Variants in HUNK observed in about 807,000 individuals in gnomAD.
HUNK encodes hormonally up-regulated neu tumor-associated kinase.
A neutral mutation model predicts 61.0 loss-of-function variants in HUNK; 21 were observed. The ratio of observed to expected loss-of-function variants is 0.34; its 90% CI spans 0.24 to 0.50. The LOEUF (loss-of-function observed/expected upper bound fraction) is 0.50, where lower values mean the gene tolerates loss of function less well. HUNK is among the 20% of genes least tolerant of loss of function. The pLI is 0.98. For synonymous variants in HUNK, 371 were observed against 386.1 expected, an observed-to-expected ratio of 0.96 and a Z score of 0.46; for missense variants, 772 against 945.7, an observed-to-expected ratio of 0.82 and a Z score of 2.41.
intron 1 of HUNK, among the ~76,000 whole-genome samples, chr21:31,899,702 C>T (rs1299962886): frequency 6.6e-6 from 1 of 152,164 alleles, no homozygotes; most frequent in African/African-American, 2.4e-5. Context: ...TACTCCTGCT[C>T]AGCACCATCT....
rs916366361 is a variant in HUNK, at chr21:32,003,082, A to G, written c.*3898A>G. 8 of 152,300 alleles carry G rather than the reference A, an allele frequency of 5.3e-5. No homozygotes were observed. Among genetic ancestry groups the G allele is most frequent in the African/African-American group, 1.9e-4 (8 of 41,474 alleles). 9.4% of individuals were successfully genotyped at this position (152,300 alleles called of 1,614,324 possible). ...GCTGGCATTTGAGCTGGTCTGGAGCAGAGTTTCTCCCTCAAAGAACACAGA... is the reference window on the plus strand; with the variant it reads ...GCTGGCATTTGAGCTGGTCTGGAGCGGAGTTTCTCCCTCAAAGAACACAGA... On this transcript the variant is annotated 3_prime_UTR_variant, in exon 11 of 11. Coordinates refer to ENST00000270112, the MANE Select transcript of HUNK (RefSeq NM_014586.2).
chr21:31,883,329 G>A (rs1258322458), intron 1 of HUNK, among the ~76,000 whole-genome samples: 1 of 152,036 alleles, frequency 6.6e-6, no homozygotes, highest in African/African-American at 2.4e-5. Flanking sequence ...TGCCAATCGA[G>A]TGTATTAAAC....
At chr21:31,892,928 C>T (rs1347840150) in intron 1 of HUNK, among the ~76,000 whole-genome samples, 2 of 151,678 alleles carry the variant, frequency 1.3e-5, no homozygotes, top group Non-Finnish European at 2.9e-5. Flanking sequence ...TCCTGCCATT[C>T]ACCCTGCCCC....
rs530716386 is a variant in HUNK, at chr21:31,969,654, C to T, written c.1010+1269C>T. On this transcript the variant is annotated intron_variant, in intron 6 of 10. Transcript: ENST00000270112. ...TGGTCATGGCTCGCTACAGCCTCCA[C>T]CTCCTGAGCTCAAGGGAGTCTCCCA... Among the ~76,000 whole-genome samples, 3 of 152,022 alleles carry T rather than the reference C, an allele frequency of 2.0e-5. No individual in the cohort carries two copies. In the South Asian group the frequency reaches 6.2e-4, roughly 32 times the overall value.
intron 1 of HUNK, among the ~76,000 whole-genome samples, chr21:31,912,747 G>A (rs2052555462): frequency 1.3e-5 from 2 of 152,122 alleles, no homozygotes. Context: ...GTTTCACTGT[G>A]TGGCCCAGAC....
At chr21:31,955,322 T>TG (rs34548973) in intron 4 of HUNK, among the ~76,000 whole-genome samples, 149,219 of 149,220 alleles carry the variant, frequency 1, 74,609 homozygotes, top group Non-Finnish European at 1. Context: ...CCGGGCGCGG[T>TG]GCTCACGCCT....
intron 4 of HUNK, among the ~76,000 whole-genome samples, chr21:31,958,191 C>T (rs1160562170): frequency 6.6e-6 from 1 of 151,942 alleles, no homozygotes; most frequent in South Asian, 2.1e-4. Flanking sequence ...GCCATGGTTC[C>T]CCTCCTCAGG....
chr21:31,974,441 C>A, intron 6 of HUNK, 114 bp from the exon 7 acceptor site: 2 of 996,022 alleles, frequency 2.0e-6, no homozygotes, highest in Non-Finnish European at 2.9e-6. Context: ...AAAATAAAAA[C>A]TCAAGTCAGT....
At chr21:31,975,254 C>T (rs937925136) in intron 7 of HUNK, among the ~76,000 whole-genome samples, 2 of 152,166 alleles carry the variant, frequency 1.3e-5, no homozygotes, top group Non-Finnish European at 2.9e-5. Context: ...GTGTCACCCG[C>T]GAGGTACCTT....
rs1304676702 is a variant in HUNK at position 31,958,946 on chromosome 21, C to G, written c.850C>G (p.Pro284Ala). ...GAAGATGGTAGACAAAGAAATGAACCCCCTCCCCACTCAGCTCTCCACAGG... is the reference window on the plus strand; with the variant it reads ...GAAGATGGTAGACAAAGAAATGAACGCCCTCCCCACTCAGCTCTCCACAGG... ...YQKMVDKEMN[P>A]LPTQLSTGAI... Residue 284 changes from proline (P) to alanine (A), a missense_variant, in exon 5 of 11, where the codon CCC (proline) becomes GCC (alanine). By Grantham distance (27) the Pro-to-Ala change is conservative. Around this residue, in one of 2 missense-constraint regions of HUNK, gnomAD observed 359 missense variants for 501.3 expected, o/e 0.72. Coordinates refer to ENST00000270112, the MANE Select transcript of HUNK (RefSeq NM_014586.2). The G allele has an allele frequency of 6.2e-7, 1 of 1,608,474 alleles. No individual in the cohort carries two copies. The highest frequency in any genetic ancestry group is 8.5e-7 in the Non-Finnish European group (1 of 1,178,018).
chr21:31,938,245 G>C (rs762848049), intron 2 of HUNK, among the ~76,000 whole-genome samples: 14 of 152,156 alleles, frequency 9.2e-5, no homozygotes, highest in Admixed American at 2.0e-4. Context: ...TTCCCCACCA[G>C]CCTGTTGGGT....
intron 1 of HUNK, among the ~76,000 whole-genome samples, chr21:31,895,229 C>T (rs905202742): frequency 7.2e-5 from 11 of 152,142 alleles, no homozygotes; most frequent in African/African-American, 1.9e-4. Flanking sequence ...ATGCCCTTCA[C>T]GAGACCTGTG....
chr21:31,893,421 A>C (rs1162823894), intron 1 of HUNK, among the ~76,000 whole-genome samples: 6 of 152,200 alleles, frequency 3.9e-5, no homozygotes, highest in African/African-American at 1.2e-4. Context: ...CTTTGTTTGC[A>C]GTTTCTCAGG....
chr21:31,995,971 C>A, intron 10 of HUNK, 23 bp downstream of exon 10: 1 of 1,584,964 alleles, frequency 6.3e-7, no homozygotes, highest in Non-Finnish European at 8.6e-7. Flanking sequence ...TGGGGACTCT[C>A]TCAGGCCACT....
At chr21:31,964,498 G>A (rs1445981011) in intron 5 of HUNK, among the ~76,000 whole-genome samples, 4 of 152,330 alleles carry the variant, frequency 2.6e-5, no homozygotes, top group East Asian at 1.9e-4. Flanking sequence ...TGTGTGTTAC[G>A]TTGAGCAGGG....
intron 6 of HUNK, among the ~76,000 whole-genome samples, chr21:31,972,079 GC>G (rs1330597022): frequency 1.1e-4 from 17 of 152,068 alleles, no homozygotes; most frequent in Non-Finnish European, 2.4e-4. Context: ...CACTCTCTGT[GC>G]CTCAGTCTCC....
intron 5 of HUNK, among the ~76,000 whole-genome samples, chr21:31,967,830 T>C (rs111749719): frequency 2.6e-5 from 4 of 152,292 alleles, no homozygotes; most frequent in African/African-American, 9.6e-5. Context: ...TTTTCTTTCA[T>C]TCCTACAAGC....
chr21:31,956,766 A>G (rs1243358240), intron 4 of HUNK, among the ~76,000 whole-genome samples: 1 of 152,090 alleles, frequency 6.6e-6, no homozygotes, highest in Non-Finnish European at 1.5e-5. Context: ...TTCCTGCCAT[A>G]GTTTCCTACT....
At chr21:31,895,851 C>T (rs1221373458) in intron 1 of HUNK, among the ~76,000 whole-genome samples, 1 of 152,178 alleles carries the variant, frequency 6.6e-6, no homozygotes, top group Non-Finnish European at 1.5e-5. Context: ...AAGGTGTTTG[C>T]TATGGGCTGA....
Sources: gnomAD v4.1 joint callset for allele counts (sites outside exome capture counted in the v4.1 genomes callset) on GRCh38, gnomAD v4.1.1 for gene constraint, gnomAD v4.1.1 regional missense constraint, MANE v1.5 for transcripts, NCBI Gene and HGNC (gene_info 2026-07-23, HGNC 2026-07-21) for gene names.